Variants in RNF125 observed in about 807,000 individuals in gnomAD.
RNF125 encodes E3 ubiquitin-protein ligase RNF125.
A neutral mutation model predicts 26.0 loss-of-function variants in RNF125; 21 were observed. The ratio of observed to expected loss-of-function variants is 0.81; its 90% CI spans 0.57 to 1.16. The LOEUF (loss-of-function observed/expected upper bound fraction) is 1.16. Among genes scored for constraint, RNF125 ranks in the 50% most tolerant of loss-of-function variants. RNF125 has a pLI of 0.00. For missense variants in RNF125, 270 were observed against 299.4 expected (o/e 0.90, Z 0.72); for synonymous variants, 95 against 109.2 (o/e 0.87, Z 0.81).
chr18:32,035,097 C>T (rs1291726316), intron 1 of RNF125, among the ~76,000 whole-genome samples: 2 of 151,500 alleles, frequency 1.3e-5, no homozygotes, highest in African/African-American at 4.9e-5. Flanking sequence ...GCCAGGTGCT[C>T]ATGCCTTCAG....
chr18:32,022,282 C>T (rs1029643515), intron 1 of RNF125, among the ~76,000 whole-genome samples: 2 of 152,130 alleles, frequency 1.3e-5, no homozygotes, highest in Non-Finnish European at 2.9e-5. Context: ...TGTAAGAGCA[C>T]TTTATAAGTT....
At chr18:32,065,743 G>A (rs1184266088) in intron 4 of RNF125, among the ~76,000 whole-genome samples, 159 bp from the exon 5 acceptor site, 1 of 152,140 alleles carries the variant, frequency 6.6e-6, no homozygotes, top group South Asian at 2.1e-4. Context: ...ATGTTGGCCA[G>A]GATGGTCTCC....
the RNF125 span, among the ~76,000 whole-genome samples, chr18:32,090,175 G>A: frequency 4.6e-5 from 7 of 152,188 alleles, no homozygotes; most frequent in Non-Finnish European, 7.4e-5. Flanking sequence ...CAACCTGGAA[G>A]GCGCAGGTTG....
At chr18:32,027,530 A>C (rs2039048697) in intron 1 of RNF125, among the ~76,000 whole-genome samples, 1 of 152,196 alleles carries the variant, frequency 6.6e-6, no homozygotes, top group Non-Finnish European at 1.5e-5. Context: ...AGAAAGGGTA[A>C]AACACAGAGA....
chr18:32,081,555 T>C, the RNF125 span, among the ~76,000 whole-genome samples: 1 of 152,204 alleles, frequency 6.6e-6, no homozygotes, highest in Non-Finnish European at 1.5e-5. Context: ...CTCTTAGATA[T>C]TTACTGAGTT....
intron 1 of RNF125, among the ~76,000 whole-genome samples, chr18:32,024,208 TC>T (rs58856617): frequency 0.19 from 7,732 of 40,190 alleles, 774 homozygotes; most frequent in African/African-American, 0.33. Context: ...TTTTTTTTTT[TC>T]TTTTTTTTTT....
At position 32,042,247 on chromosome 18, in the gene RNF125, A is replaced by G. The variant is rs144268137; in HGVS notation, c.387A>G (p.Leu129=). 3,666 of 1,613,042 alleles carry G rather than the reference A, an allele frequency of 2.3e-3. 14 individuals carry two copies. The highest frequency in any genetic ancestry group is 1.9e-3 in the Non-Finnish European group (2,297 of 1,179,282). Residue 129 remains leucine (L), a synonymous_variant, in exon 3 of 6, where the codon CTA becomes CTG. Coordinates refer to ENST00000217740, the MANE Select transcript of RNF125 (RefSeq NM_017831.4). The part of the protein sequence containing the change: ...CQKYIDKYGP[L]QELEETAARC... ...AGTACATAGATAAGTATGGACCACT[A>G]CAAGAACTTGAGGAGACAGCAGCAA...
chr18:32,020,723 A>G (rs1416256844), intron 1 of RNF125, among the ~76,000 whole-genome samples: 1 of 151,596 alleles, frequency 6.6e-6, no homozygotes, highest in African/African-American at 2.4e-5. Context: ...AGCCTGGCCG[A>G]CATGGTGAAA....
Position 32,025,497 on chromosome 18 carries a change from C to T in RNF125, c.164+6470C>T, listed in dbSNP as rs575519945. 1.1e-4 allele frequency among the ~76,000 whole-genome samples: 17 copies of T among 151,916 alleles called. No homozygotes were observed. The South Asian group carries it at 3.5e-3, about 32-fold the overall frequency. On this transcript the variant is annotated intron_variant, in intron 1 of 5. Transcript: ENST00000217740. ...TGCCCAACATGGCGAAACCCCGTTT[C>T]TCTAAAAATACAAGAAAATTAGCCA... is the stretch of plus-strand genomic sequence containing the variant.
intron 4 of RNF125, among the ~76,000 whole-genome samples, chr18:32,056,259 T>C (rs1016239211): frequency 2.6e-5 from 4 of 151,814 alleles, no homozygotes; most frequent in Non-Finnish European, 5.9e-5. Flanking sequence ...TCCTCGTAAA[T>C]CTAGACTGTT....
chr18:32,057,222 C>G (rs896949515), intron 4 of RNF125, among the ~76,000 whole-genome samples: 13 of 152,090 alleles, frequency 8.5e-5, no homozygotes, highest in African/African-American at 2.9e-4. Context: ...AGGAAACAAC[C>G]ATTATTCTAG....
At chr18:32,025,451 G>A (rs571373403) in intron 1 of RNF125, among the ~76,000 whole-genome samples, 40 of 151,820 alleles carry the variant, frequency 2.6e-4, no homozygotes, top group African/African-American at 9.4e-4. Flanking sequence ...ATCACCTGAG[G>A]TCAGGAGTTC....
chr18:32,056,864 C>T (rs970011674), intron 4 of RNF125, among the ~76,000 whole-genome samples: 20 of 152,268 alleles, frequency 1.3e-4, no homozygotes, highest in Admixed American at 1.0e-3. Flanking sequence ...TCTTCCTTAC[C>T]TCTCTTCCTC....
At position 32,068,343 on chromosome 18, in the gene RNF125, C is replaced by T. The variant is rs191929096; in HGVS notation, c.658C>T (p.Arg220Trp). 2.6e-5 allele frequency: 42 copies of T among 1,598,736 alleles called. No individual in the cohort carries two copies. The highest frequency in any genetic ancestry group is 1.7e-4 in the Middle Eastern group (1 of 6,022). The change falls in exon 6 of 6, where the codon CGG (arginine) becomes TGG (tryptophan). Residue 220 changes from arginine (R) to tryptophan (W), a missense_variant. Coordinates refer to ENST00000217740, the MANE Select transcript of RNF125 (RefSeq NM_017831.4). Reference protein sequence around the residue: ...EEALIRRVLDRSLLEYVNHSN... With the variant: ...EEALIRRVLDWSLLEYVNHSN... ...AGCTCTTATCCGAAGAGTCTTAGAC[C>T]GGTCACTTCTTGAATATGTGAATCA...
chr18:32,047,046 T>C lies in RNF125; in HGVS notation c.504+1314T>C, dbSNP rs185218659. Among the ~76,000 whole-genome samples, 13 of 151,842 alleles carry C rather than the reference T, an allele frequency of 8.6e-5. No homozygotes were observed. In the East Asian group the frequency reaches 1.2e-3, roughly 14 times the overall value. ...ACTACACCTGCCTAATTTTTTGATG[T>C]TGTTGTTGTTGTTTTTAGACGTGCT... On this transcript the variant is annotated intron_variant, in intron 4 of 5. Coordinates refer to ENST00000217740, the MANE Select transcript of RNF125 (RefSeq NM_017831.4).
intron 4 of RNF125, among the ~76,000 whole-genome samples, chr18:32,051,546 C>T (rs971491167): frequency 7.2e-6 from 1 of 138,172 alleles, no homozygotes; most frequent in African/African-American, 2.7e-5. Flanking sequence ...ACCCAGGAAG[C>T]GGAGGTTGCA....
intron 1 of RNF125, among the ~76,000 whole-genome samples, chr18:32,030,308 G>T (rs529442870): frequency 8.7e-4 from 133 of 152,308 alleles, no homozygotes; most frequent in Non-Finnish European, 1.5e-3. Context: ...CTCCCAAAGT[G>T]CTGGGATTAC....
the RNF125 span, among the ~76,000 whole-genome samples, chr18:32,084,831 A>ATGGATGATATGAAATTAAT: frequency 6.6e-6 from 1 of 152,242 alleles, no homozygotes; most frequent in Admixed American, 6.5e-5. Flanking sequence ...AATAATACAT[A>ATGGATGATATGAAATTAAT]AAATATGGAT....
chr18:32,032,316 G>A (rs1412683845), intron 1 of RNF125, among the ~76,000 whole-genome samples: 3 of 151,746 alleles, frequency 2.0e-5, no homozygotes, highest in Non-Finnish European at 4.4e-5. Flanking sequence ...GACCTCAAGC[G>A]ATCCACCTGC....
Sources: gnomAD v4.1 joint callset for allele counts (sites outside exome capture counted in the v4.1 genomes callset) on GRCh38, gnomAD v4.1.1 for gene constraint, MANE v1.5 for transcripts, NCBI Gene and HGNC (gene_info 2026-07-23, HGNC 2026-07-21) for gene names.